DNAH9: variants seen among roughly 807,000 people sequenced by gnomAD.
The protein encoded by DNAH9 is dynein axonemal heavy chain 9, also known as DNAH9 variant protein.
Under a neutral mutation model 471.6 loss-of-function variants are expected in DNAH9, and 345 were observed. The ratio of observed to expected loss-of-function variants is 0.73; its 90% CI spans 0.67 to 0.80. The LOEUF is 0.80. Ranked by LOEUF, DNAH9 falls within the 30% of genes least tolerant of loss-of-function variation. The probability of loss-of-function intolerance (pLI) is 0.00; values close to 1 mark genes in which losing one functional copy is unlikely to be tolerated. For missense variants in DNAH9, 5,407 were observed against 5,609.2 expected (o/e 0.96, Z 1.15); for synonymous variants, 2,093 against 2,123.6 (o/e 0.99, Z 0.40).
At chr17:11,621,395 G>A (rs1279742697) in intron 6 of DNAH9, among the ~76,000 whole-genome samples, 14 of 127,512 alleles carry the variant, frequency 1.1e-4, no homozygotes, top group Non-Finnish European at 1.7e-4. Flanking sequence ...GAGACAGGGC[G>A]AGACTCCATC....
chr17:11,905,260 G>A (rs901245301), intron 60 of DNAH9, among the ~76,000 whole-genome samples: 8 of 151,784 alleles, frequency 5.3e-5, no homozygotes, highest in East Asian at 1.9e-4. Context: ...AGAGAATAGC[G>A]TACCGTAGGG....
chr17:11,946,826 T>C (rs1238643395), intron 67 of DNAH9, among the ~76,000 whole-genome samples: 2 of 152,202 alleles, frequency 1.3e-5, no homozygotes, highest in African/African-American at 4.8e-5. Flanking sequence ...GAGACAGGTC[T>C]ACCCATGTTA....
At chr17:11,662,418 C>A (rs990701755) in intron 14 of DNAH9, among the ~76,000 whole-genome samples, 2 of 151,958 alleles carry the variant, frequency 1.3e-5, no homozygotes, top group African/African-American at 4.8e-5. Context: ...TTTCTTTTCT[C>A]TTTTTTAATG....
At position 11,812,042 on chromosome 17, in the gene DNAH9, T is replaced by C. The variant is rs1293216828; in HGVS notation, c.8707+1673T>C. Among the ~76,000 whole-genome samples, 690 of 71,718 alleles carry C rather than the reference T, an allele frequency of 9.6e-3. 61 individuals carry two copies. Among genetic ancestry groups the C allele is most frequent in the African/African-American group, 0.029 (529 of 18,464 alleles). The allele number at this position is 71,718 out of a possible 152,430, so 47.0% of individuals were successfully genotyped here. A position where few individuals can be genotyped will look rare whatever the true frequency, so the allele number is the denominator to read the frequency against. On this transcript the variant is annotated intron_variant, in intron 45 of 68. Coordinates refer to ENST00000262442, the MANE Select transcript of DNAH9 (RefSeq NM_001372.4). ...AAAAAAAAAAATATATATATATATATATATATATATATACACATACATACA... is the reference window on the plus strand; with the variant it reads ...AAAAAAAAAAATATATATATATATACATATATATATATACACATACATACA...
At chr17:11,715,813 C>T (rs906254337) in intron 26 of DNAH9, among the ~76,000 whole-genome samples, 1 of 152,144 alleles carries the variant, frequency 6.6e-6, no homozygotes, top group Non-Finnish European at 1.5e-5. Context: ...ACGGACACTT[C>T]ATAGTGAGGC....
At chr17:11,895,897 C>T (rs369430190) in intron 59 of DNAH9, among the ~76,000 whole-genome samples, 32 of 152,276 alleles carry the variant, frequency 2.1e-4, no homozygotes, top group South Asian at 6.2e-4. Context: ...ATATACTTGC[C>T]GTCCCCTTCA....
intron 38 of DNAH9, among the ~76,000 whole-genome samples, chr17:11,771,664 G>A (rs1042326242): frequency 6.6e-6 from 1 of 152,154 alleles, no homozygotes; most frequent in Admixed American, 6.6e-5. Context: ...CTGCCTCATA[G>A]AATTCCTCTT....
chr17:11,861,933 A>G (rs950750433), intron 50 of DNAH9, among the ~76,000 whole-genome samples: 4 of 151,536 alleles, frequency 2.6e-5, no homozygotes, highest in African/African-American at 9.7e-5. Context: ...CCTTTGTCAG[A>G]TGAGTAGGTT....
At position 11,730,420 on chromosome 17, in the gene DNAH9, C is replaced by A. The variant is rs565224003; in HGVS notation, c.5814+2498C>A. Among the ~76,000 whole-genome samples the A allele has an allele frequency of 3.3e-5, 5 of 152,282 alleles. No individual in the cohort carries two copies. In the East Asian group the frequency reaches 9.7e-4, roughly 29 times the overall value. The stretch of plus-strand genomic sequence containing the variant: ...GGATGTAAGCTGAGTGTTGCCAGAT[C>A]TTTTACGTTTTAAAGAGAGACCGGA... On this transcript the variant is annotated intron_variant, in intron 28 of 68. Coordinates refer to ENST00000262442, the MANE Select transcript of DNAH9 (RefSeq NM_001372.4).
chr17:11,689,821 G>A lies in DNAH9; in HGVS notation c.3999G>A (p.Glu1333=), dbSNP rs776303959. 35 of 1,613,902 alleles carry A rather than the reference G, an allele frequency of 2.2e-5. No individual in the cohort carries two copies. Among genetic ancestry groups the A allele is most frequent in the South Asian group, 1.3e-4 (12 of 91,040 alleles). Residue 1333 remains glutamate, a synonymous_variant, in exon 20 of 69, where the codon GAG becomes GAA. Coordinates refer to ENST00000262442, the MANE Select transcript of DNAH9 (RefSeq NM_001372.4). ...GGAATATCAACGTGGAAGCCATGGA[G>A]TTGGAGTGCAAACAGTTTGCCCGGC... is the stretch of plus-strand genomic sequence containing the variant. The part of the protein sequence containing the change: ...PWRNINVEAM[E]LECKQFARHI...
Position 11,871,638 on chromosome 17 carries a change from C to T in DNAH9, c.10094C>T (p.Ala3365Val). The change falls in exon 52 of 69, where the codon GCC (alanine) becomes GTC (valine). Residue 3365 changes from alanine to valine, a missense_variant. Coordinates refer to ENST00000262442, the MANE Select transcript of DNAH9 (RefSeq NM_001372.4). ...LASENVRWAD[A>V]VQNFKQQERT... Reference sequence around the variant, plus strand: ...TCTGAAAACGTGAGGTGGGCAGATGCCGTGCAGAACTTCAAACAGCAGGAA... The same window carrying T: ...TCTGAAAACGTGAGGTGGGCAGATGTCGTGCAGAACTTCAAACAGCAGGAA... 6.2e-7 allele frequency: 1 copy of T among 1,614,176 alleles called. No individual in the cohort carries two copies. Among genetic ancestry groups the T allele is most frequent in the East Asian group, 2.2e-5 (1 of 44,882 alleles).
At chr17:11,864,719 A>G (rs958469932) in intron 50 of DNAH9, among the ~76,000 whole-genome samples, 1 of 152,116 alleles carries the variant, frequency 6.6e-6, no homozygotes, top group African/African-American at 2.4e-5. Context: ...TTTTGGGTGC[A>G]TATATATTTA....
At chr17:11,905,556 G>T in intron 60 of DNAH9, 105 bp from the exon 61 acceptor site, 1 of 1,247,466 alleles carries the variant, frequency 8.0e-7, no homozygotes, top group South Asian at 1.5e-5. Flanking sequence ...CCTAGCCCAT[G>T]ACCTTGAGCA....
At chr17:11,965,455 G>A (rs1976622059) in intron 68 of DNAH9, among the ~76,000 whole-genome samples, 1 of 152,216 alleles carries the variant, frequency 6.6e-6, no homozygotes, top group Non-Finnish European at 1.5e-5. Flanking sequence ...TACAGAATCA[G>A]TTCAGAAAAG....
intron 26 of DNAH9, among the ~76,000 whole-genome samples, chr17:11,705,918 G>T (rs1264314067): frequency 6.6e-6 from 1 of 152,030 alleles, no homozygotes; most frequent in African/African-American, 2.4e-5. Context: ...ACACAAAGAA[G>T]TATTTCTCTC....
intron 20 of DNAH9, among the ~76,000 whole-genome samples, chr17:11,692,540 G>A (rs1321298169): frequency 1.3e-5 from 2 of 152,134 alleles, no homozygotes; most frequent in Non-Finnish European, 2.9e-5. Context: ...TTTTGCAGGG[G>A]TCCAGAAAGA....
At chr17:11,674,173 CCTTTTAACAATGTTG>C (rs1463810741) in intron 17 of DNAH9, among the ~76,000 whole-genome samples, 3 of 152,280 alleles carry the variant, frequency 2.0e-5, no homozygotes, top group Admixed American at 2.0e-4. Flanking sequence ...ACACTGCTTC[CCTTTTAACAATGTTG>C]CTGTAAGAAC....
chr17:11,660,504 G>A (rs1056298447), intron 14 of DNAH9, among the ~76,000 whole-genome samples: 1 of 151,846 alleles, frequency 6.6e-6, no homozygotes, highest in Non-Finnish European at 1.5e-5. Context: ...TGAATTTTTA[G>A]TAGAGATGAG....
intron 10 of DNAH9, among the ~76,000 whole-genome samples, 154 bp from the exon 11 acceptor site, chr17:11,644,477 A>G (rs988313621): frequency 1.3e-5 from 2 of 152,112 alleles, no homozygotes; most frequent in African/African-American, 4.8e-5. Flanking sequence ...TGGCCAGAGT[A>G]AGATGTTCGC....
Sources: allele counts gnomAD v4.1 joint callset (sites outside exome capture counted in the v4.1 genomes callset), GRCh38; gene constraint gnomAD v4.1.1; transcripts MANE v1.5; gene names NCBI Gene and HGNC (gene_info 2026-07-23, HGNC 2026-07-21).